Variants in ATP6V0A1 observed in about 807,000 individuals in gnomAD.
ATP6V0A1 encodes V-type proton ATPase 116 kDa subunit a 1.
In ATP6V0A1, 43 loss-of-function variants were observed where a neutral mutation model predicts 105.4. The ratio of observed to expected loss-of-function variants is 0.41; its 90% CI spans 0.32 to 0.53. ATP6V0A1 has a LOEUF of 0.53. Ranked by LOEUF, ATP6V0A1 falls within the 20% of genes least tolerant of loss-of-function variation. The pLI is 0.30. For synonymous variants in ATP6V0A1, 362 were observed against 372.8 expected (o/e 0.97, Z 0.33); for missense variants, 676 against 1,051.1 (o/e 0.64, Z 4.93).
intron 11 of ATP6V0A1, among the ~76,000 whole-genome samples, chr17:42,493,339 C>T (rs961529864): frequency 6.6e-6 from 1 of 152,194 alleles, no homozygotes; most frequent in Non-Finnish European, 1.5e-5. Flanking sequence ...TCCATCTGTA[C>T]GTTATCTGAT....
chr17:42,496,680 A>C (rs890700320), intron 14 of ATP6V0A1: 4 of 152,050 alleles, frequency 2.6e-5, no homozygotes, highest in African/African-American at 9.7e-5. Context: ...ATCTCTACTA[A>C]AAATACAGAA....
chr17:42,475,054 A>T (rs2088548578), intron 5 of ATP6V0A1, among the ~76,000 whole-genome samples: 1 of 152,226 alleles, frequency 6.6e-6, no homozygotes, highest in African/African-American at 2.4e-5. Flanking sequence ...CATAAAGAAG[A>T]CTGGAAAAGT....
At chr17:42,501,966 G>A (rs1454625996) in intron 17 of ATP6V0A1, among the ~76,000 whole-genome samples, 3 of 152,026 alleles carry the variant, frequency 2.0e-5, no homozygotes, top group African/African-American at 4.8e-5. Flanking sequence ...TCTGAGAGGC[G>A]GAGGTTGCAG....
chr17:42,469,996 C>A, intron 4 of ATP6V0A1, 94 bp from the exon 5 acceptor site: 1 of 1,234,308 alleles, frequency 8.1e-7, no homozygotes, highest in Non-Finnish European at 1.1e-6. Flanking sequence ...TTTGAACTAT[C>A]GGCTTGGCAA....
At position 42,521,060 on chromosome 17, in the gene ATP6V0A1, C is replaced by G; in HGVS notation, c.2454C>G (p.Thr818=). Residue 818 remains threonine, a synonymous_variant, in exon 22 of 22, where the codon ACC becomes ACG. Transcript: ENST00000343619. The surrounding 1 kb of genome is among the most constrained non-coding windows in gnomAD (Gnocchi z 4.8). ...TCCAGAATAAATTCTACAGCGGGAC[C>G]GGTTTCAAGTTCTTACCCTTCTCCT... is the stretch of plus-strand genomic sequence containing the variant. ...VEFQNKFYSG[T]GFKFLPFSFE... is the part of the protein sequence containing the mutation. The G allele has an allele frequency of 6.2e-7, 1 of 1,609,124 alleles. No individual in the cohort carries two copies. The highest frequency in any genetic ancestry group is 8.5e-7 in the Non-Finnish European group (1 of 1,177,760).
chr17:42,513,990 T>C lies in ATP6V0A1; in HGVS notation c.2248+12T>C. On this transcript the variant is annotated intron_variant, in intron 20 of 21. Transcript: ENST00000343619. ...CCTCGCTCATGCGCGTGAGTACCTCTCTCCGGGCTCCGGAACTCTAGTTTC... is the reference window on the plus strand; with the variant it reads ...CCTCGCTCATGCGCGTGAGTACCTCCCTCCGGGCTCCGGAACTCTAGTTTC... 1 of 1,610,090 alleles carries C rather than the reference T, an allele frequency of 6.2e-7. No individual in the cohort carries two copies. The highest frequency in any genetic ancestry group is 1.3e-5 in the African/African-American group (1 of 74,912).
Position 42,470,133 on chromosome 17 carries a change from C to A in ATP6V0A1, c.338C>A (p.Thr113Lys). The change falls in exon 5 of 22, where the codon ACA (threonine) becomes AAA (lysine). Residue 113 changes from threonine to lysine, a missense_variant. This residue lies in a region of ATP6V0A1 where 239 missense variants were observed against 388.4 expected (regional missense o/e 0.62). Transcript: ENST00000343619. ...GAAAATGAACTGAAGGAAATCAACA[C>A]AAACCAGGAAGCTCTGAAGAGAAAC... ...KIENELKEIN[T>K]NQEALKRNFL... 1 of 1,610,758 alleles carries A rather than the reference C, an allele frequency of 6.2e-7. No individual in the cohort carries two copies. The highest frequency in any genetic ancestry group is 8.5e-7 in the Non-Finnish European group (1 of 1,178,042).
intron 13 of ATP6V0A1, 124 bp downstream of exon 13, chr17:42,495,312 C>T (rs1189559442): frequency 3.0e-6 from 3 of 1,014,108 alleles, no homozygotes; most frequent in Non-Finnish European, 1.5e-6. Context: ...ATTCATGCTC[C>T]ACACTGTGAG....
chr17:42,490,981 T>A (rs1276454639), intron 11 of ATP6V0A1, among the ~76,000 whole-genome samples: 1 of 152,180 alleles, frequency 6.6e-6, no homozygotes, highest in Non-Finnish European at 1.5e-5. Flanking sequence ...CGCCTGAACC[T>A]CTGGAGTAGC....
chr17:42,475,933 A>G (rs2088671389), intron 5 of ATP6V0A1, among the ~76,000 whole-genome samples: 1 of 152,208 alleles, frequency 6.6e-6, no homozygotes, highest in Admixed American at 6.6e-5. Context: ...GTTAGAGCAC[A>G]TGTGTTTGCA....
At chr17:42,508,642 A>T in intron 19 of ATP6V0A1, 53 bp downstream of exon 19, 2 of 1,610,206 alleles carry the variant, frequency 1.2e-6, no homozygotes, top group Non-Finnish European at 1.7e-6. Flanking sequence ...CTCTCTTCCC[A>T]TCCTTGTGAT....
At chr17:42,496,238 G>A (rs1223167913) in intron 14 of ATP6V0A1, 1 of 152,232 alleles carries the variant, frequency 6.6e-6, no homozygotes, top group Non-Finnish European at 1.5e-5. Flanking sequence ...TATTTCTGAG[G>A]TGGTTAATAA....
rs767914703 is a variant in ATP6V0A1, at chr17:42,521,114, A to C, written c.2508A>C (p.Glu836Asp). Residue 836 changes from glutamate to aspartate, a missense_variant, in exon 22 of 22, where the codon GAA becomes GAC. Around this residue, in one of 3 missense-constraint regions of ATP6V0A1, gnomAD observed 435 missense variants for 642.2 expected, o/e 0.68. Coordinates refer to ENST00000343619, the MANE Select transcript of ATP6V0A1 (RefSeq NM_001130021.3). The surrounding 1 kb of genome is among the most constrained non-coding windows in gnomAD (Gnocchi z 4.8). ...AGCATATTCGGGAAGGGAAGTTTGA[A>C]GAGTGAGTCCCTGTGAGGGCCGTGT... is the stretch of plus-strand genomic sequence containing the variant. ...SFEHIREGKFEE is the reference protein window; with the variant it reads ...SFEHIREGKFDE 7.5e-6 allele frequency: 12 copies of C among 1,608,620 alleles called. No individual in the cohort carries two copies. The highest frequency in any genetic ancestry group is 1.0e-5 in the Non-Finnish European group (12 of 1,177,266).
At chr17:42,478,809 T>C (rs2089123843) in intron 7 of ATP6V0A1, 2 of 282,696 alleles carry the variant, frequency 7.1e-6, no homozygotes, top group East Asian at 7.3e-5. Flanking sequence ...TTTTCAAGTT[T>C]ACCCGTGTAG....
At chr17:42,512,623 G>A (rs1433454978) in intron 19 of ATP6V0A1, among the ~76,000 whole-genome samples, 3 of 152,142 alleles carry the variant, frequency 2.0e-5, no homozygotes, top group African/African-American at 4.8e-5. Flanking sequence ...GCAGACGTTC[G>A]CCCAGAGATG....
Position 42,514,283 on chromosome 17 carries a change from C to T in ATP6V0A1, c.2249-6C>T, listed in dbSNP as rs879234571. On this transcript the variant is annotated splice_polypyrimidine_tract_variant and splice_region_variant and intron_variant, in intron 20 of 21. Coordinates refer to ENST00000343619, the MANE Select transcript of ATP6V0A1 (RefSeq NM_001130021.3). ...TGCACTGGATTTTGTGTCTCCCATT[C>T]CCCAGAGCTGTCTGAGGTGCTTTGG... 1.3e-6 allele frequency: 2 copies of T among 1,578,356 alleles called. No individual in the cohort carries two copies. The highest frequency in any genetic ancestry group is 1.7e-6 in the Non-Finnish European group (2 of 1,162,380).
intron 5 of ATP6V0A1, among the ~76,000 whole-genome samples, chr17:42,476,057 G>C (rs1334038115): frequency 1.3e-5 from 2 of 152,182 alleles, no homozygotes; most frequent in Admixed American, 6.5e-5. Context: ...GATAAACCAA[G>C]AACAAGTTGA....
Position 42,465,972 on chromosome 17 carries a change from A to G in ATP6V0A1, c.118-457A>G, listed in dbSNP as rs574913034. ...AGAGCAAGACTCTGTCTCAAAAAGA[A>G]AAAAAGCAATTACTTGTGGTGTATG... On this transcript the variant is annotated intron_variant, in intron 2 of 21. Coordinates refer to ENST00000343619, the MANE Select transcript of ATP6V0A1 (RefSeq NM_001130021.3). 1.4e-3 allele frequency among the ~76,000 whole-genome samples: 219 copies of G among 152,238 alleles called. 1 individual carries two copies. Among genetic ancestry groups the G allele is most frequent in the African/African-American group, 5.1e-3 (213 of 41,558 alleles).
rs545273711 is a variant in ATP6V0A1, at chr17:42,460,150, G to A, written c.-47-698G>A. 4 of 152,358 alleles carry A rather than the reference G, an allele frequency of 2.6e-5. No individual in the cohort carries two copies. The East Asian group carries it at 7.7e-4, about 29-fold the overall frequency. 9.4% of individuals were successfully genotyped at this position (152,358 alleles called of 1,614,324 possible). On this transcript the variant is annotated intron_variant, in intron 1 of 21. Coordinates refer to ENST00000343619, the MANE Select transcript of ATP6V0A1 (RefSeq NM_001130021.3). ...GAAACAGAAAGCTGCAGAGGTGGAA[G>A]GCTTATTCTCTGTGGCTTGATAAAA...
Sources: gnomAD v4.1 joint callset for allele counts (sites outside exome capture counted in the v4.1 genomes callset) on GRCh38, gnomAD v4.1.1 for gene constraint, gnomAD v4.1.1 regional missense constraint, Gnocchi (gnomAD v3.1) non-coding constraint, MANE v1.5 for transcripts, NCBI Gene and HGNC (gene_info 2026-07-23, HGNC 2026-07-21) for gene names.